Variants in SUCLG2 observed in about 807,000 individuals in gnomAD.
The protein encoded by SUCLG2 is succinate--CoA ligase [GDP-forming] subunit beta, mitochondrial.
Under a neutral mutation model 47.9 loss-of-function variants are expected in SUCLG2, and 42 were observed. That is an observed-to-expected ratio of 0.88 (90% CI 0.69 to 1.14). The LOEUF (loss-of-function observed/expected upper bound fraction) is 1.14, where lower values mean the gene tolerates loss of function less well. Among genes scored for constraint, SUCLG2 ranks in the 50% most tolerant of loss-of-function variants. The pLI is 0.00. For synonymous variants in SUCLG2, 195 were observed against 197.3 expected, an observed-to-expected ratio of 0.99 and a Z score of 0.10; for missense variants, 571 against 525.9, an observed-to-expected ratio of 1.09 and a Z score of -0.84.
intron 10 of SUCLG2, among the ~76,000 whole-genome samples, chr3:67,383,552 G>T (rs1005668247): frequency 7.2e-5 from 11 of 152,146 alleles, no homozygotes; most frequent in Non-Finnish European, 1.5e-4. Flanking sequence ...AACACTCGAG[G>T]TGTGAATGTG....
At chr3:67,561,601 T>C (rs1211752198) in intron 2 of SUCLG2, among the ~76,000 whole-genome samples, 1 of 151,938 alleles carries the variant, frequency 6.6e-6, no homozygotes, top group Non-Finnish European at 1.5e-5. Context: ...TTTAGAAAAA[T>C]ATGTTAGGCC....
chr3:67,580,414 T>C (rs1435978187), intron 2 of SUCLG2, among the ~76,000 whole-genome samples: 1 of 152,224 alleles, frequency 6.6e-6, no homozygotes, highest in African/African-American at 2.4e-5. Context: ...ATATTTTATT[T>C]TTTGAAAAAT....
intron 2 of SUCLG2, among the ~76,000 whole-genome samples, chr3:67,595,329 G>A (rs1348516773): frequency 6.6e-6 from 1 of 152,142 alleles, no homozygotes; most frequent in East Asian, 1.9e-4. Context: ...AGCTAAAGGG[G>A]GCTGCTTGCA....
intron 7 of SUCLG2, among the ~76,000 whole-genome samples, chr3:67,502,979 A>G (rs1344970231): frequency 6.6e-6 from 1 of 152,226 alleles, no homozygotes; most frequent in Non-Finnish European, 1.5e-5. Flanking sequence ...TTGGTACAGA[A>G]TAGCTCCAAA....
At chr3:67,460,234 T>C (rs1191096884) in intron 9 of SUCLG2, among the ~76,000 whole-genome samples, 3 of 152,184 alleles carry the variant, frequency 2.0e-5, no homozygotes, top group East Asian at 3.8e-4. Flanking sequence ...CTAAGAATAA[T>C]AACAGTGGTA....
Position 67,374,746 on chromosome 3 carries a change from T to A in SUCLG2, c.*998A>T, listed in dbSNP as rs1404841365. 2.6e-5 allele frequency: 24 copies of A among 912,116 alleles called. No homozygotes were observed. The highest frequency in any genetic ancestry group is 3.1e-5 in the Non-Finnish European group (24 of 763,310). The allele number at this position is 912,116 out of a possible 1,614,324, so 56.5% of individuals were successfully genotyped here. On this transcript the variant is annotated 3_prime_UTR_variant, in exon 11 of 11. Transcript: ENST00000307227. ...ACAGCTTACAAAACATAATTTTATTTAAATTTGTATAGATAAAAATCTACC... is the reference window on the plus strand; with the variant it reads ...ACAGCTTACAAAACATAATTTTATTAAAATTTGTATAGATAAAAATCTACC...
At chr3:67,532,529 T>C (rs1278397344) in intron 2 of SUCLG2, among the ~76,000 whole-genome samples, 1 of 152,228 alleles carries the variant, frequency 6.6e-6, no homozygotes, top group Non-Finnish European at 1.5e-5. Flanking sequence ...TTGCTCTTAA[T>C]TGCTATTTTT....
At chr3:67,550,548 T>A (rs1044798280) in intron 2 of SUCLG2, among the ~76,000 whole-genome samples, 3 of 152,142 alleles carry the variant, frequency 2.0e-5, no homozygotes, top group African/African-American at 7.2e-5. Flanking sequence ...GGTTTTGCCA[T>A]GTGGTCCAGG....
intron 1 of SUCLG2, among the ~76,000 whole-genome samples, chr3:67,613,209 G>A (rs375463638): frequency 4.6e-5 from 7 of 152,138 alleles, no homozygotes; most frequent in African/African-American, 7.2e-5. Flanking sequence ...GGATGGAACC[G>A]AAAGTCCCAA....
chr3:67,512,422 A>G (rs1705817517), intron 6 of SUCLG2, among the ~76,000 whole-genome samples: 1 of 150,982 alleles, frequency 6.6e-6, no homozygotes, highest in Non-Finnish European at 1.5e-5. Flanking sequence ...TGCATGGGGC[A>G]GGCATCTTAT....
At chr3:67,394,801 C>T (rs1170667152) in intron 10 of SUCLG2, among the ~76,000 whole-genome samples, 4 of 151,520 alleles carry the variant, frequency 2.6e-5, no homozygotes, top group African/African-American at 9.7e-5. Context: ...AAAGGGAAGC[C>T]CATCAGACTA....
chr3:67,474,245 G>A (rs1704686520), intron 9 of SUCLG2, among the ~76,000 whole-genome samples: 1 of 151,746 alleles, frequency 6.6e-6, no homozygotes, highest in South Asian at 2.1e-4. Flanking sequence ...GGGTGACAGA[G>A]GGAGACTCCA....
intron 9 of SUCLG2, among the ~76,000 whole-genome samples, chr3:67,471,495 T>C (rs1003548423): frequency 3.9e-5 from 6 of 152,134 alleles, no homozygotes; most frequent in Non-Finnish European, 8.8e-5. Flanking sequence ...TACCACTCTA[T>C]TGAAACCAGA....
intron 4 of SUCLG2, among the ~76,000 whole-genome samples, chr3:67,521,399 A>G (rs1706098299): frequency 6.6e-6 from 1 of 152,134 alleles, no homozygotes; most frequent in Non-Finnish European, 1.5e-5. Context: ...ATGTCATTCA[A>G]TTCCACAAGT....
intron 9 of SUCLG2, among the ~76,000 whole-genome samples, chr3:67,421,667 A>G (rs185456632): frequency 3.3e-5 from 5 of 152,364 alleles, no homozygotes; most frequent in Non-Finnish European, 1.5e-5. Context: ...TTACTGCTAT[A>G]AAAATGAAAG....
intron 9 of SUCLG2, among the ~76,000 whole-genome samples, chr3:67,466,207 G>A (rs748139225): frequency 1.3e-5 from 2 of 152,136 alleles, no homozygotes; most frequent in African/African-American, 2.4e-5. Context: ...ACAAAAGTTA[G>A]CCAGGCATGG....
At chr3:67,455,303 T>C (rs1416845742) in intron 9 of SUCLG2, among the ~76,000 whole-genome samples, 2 of 152,164 alleles carry the variant, frequency 1.3e-5, no homozygotes, top group Non-Finnish European at 1.5e-5. Context: ...TCCTCACACT[T>C]TGAGTAAGTG....
At chr3:67,501,354 C>T (rs997110745) in intron 7 of SUCLG2, among the ~76,000 whole-genome samples, 12 of 152,070 alleles carry the variant, frequency 7.9e-5, no homozygotes, top group Non-Finnish European at 1.5e-4. Flanking sequence ...ATTTGTTACG[C>T]CTGTTTTATA....
intron 9 of SUCLG2, among the ~76,000 whole-genome samples, chr3:67,414,580 C>T (rs919013541): frequency 6.6e-6 from 1 of 152,182 alleles, no homozygotes; most frequent in Admixed American, 6.5e-5. Flanking sequence ...ACAATCTATC[C>T]AATTGTTGCC....
Sources: gnomAD v4.1 joint callset for allele counts (sites outside exome capture counted in the v4.1 genomes callset) on GRCh38, gnomAD v4.1.1 for gene constraint, MANE v1.5 for transcripts, NCBI Gene and HGNC (gene_info 2026-07-23, HGNC 2026-07-21) for gene names.